FIG4: variants seen among roughly 807,000 people sequenced by gnomAD.
FIG4 encodes the protein polyphosphoinositide phosphatase.
FIG4 carries 112 observed loss-of-function variants against 118.6 expected under a neutral mutation model. The ratio of observed to expected loss-of-function variants is 0.94; its 90% CI spans 0.81 to 1.11. The LOEUF is 1.11. Ranked by LOEUF, FIG4 falls within the 50% of genes least tolerant of loss-of-function variation. The pLI is 0.00. For synonymous variants in FIG4, 369 were observed against 381.2 expected (o/e 0.97, Z 0.37); for missense variants, 969 against 1,111.7 (o/e 0.87, Z 1.83).
intron 14 of FIG4, among the ~76,000 whole-genome samples, 198 bp downstream of exon 14, chr6:109,765,359 T>A (rs1777251578): frequency 6.6e-6 from 1 of 152,252 alleles, no homozygotes; most frequent in Non-Finnish European, 1.5e-5. Flanking sequence ...TGTTTAAGTC[T>A]TTAATCTGTC....
intron 1 of FIG4, among the ~76,000 whole-genome samples, chr6:109,711,108 G>A (rs1775245420): frequency 6.6e-6 from 1 of 152,090 alleles, no homozygotes; most frequent in African/African-American, 2.4e-5. Context: ...CTAAAAACTT[G>A]CTTTATTATG....
chr6:109,756,815 G>A (rs573658211), intron 10 of FIG4, among the ~76,000 whole-genome samples: 1 of 152,160 alleles, frequency 6.6e-6, no homozygotes, highest in South Asian at 2.1e-4. Flanking sequence ...CTCTGTATTG[G>A]TTATTCTAGT....
chr6:109,756,897 T>G (rs528155154), intron 10 of FIG4, among the ~76,000 whole-genome samples: 9 of 152,332 alleles, frequency 5.9e-5, no homozygotes, highest in African/African-American at 1.9e-4. Context: ...TCCTATAGCT[T>G]GGAGTAATTT....
Position 109,777,000 on chromosome 6 carries a change from T to A in FIG4, c.1829T>A (p.Leu610His), listed in dbSNP as rs1305057644. 1 of 1,613,588 alleles carries A rather than the reference T, an allele frequency of 6.2e-7. No homozygotes were observed. Among genetic ancestry groups the A allele is most frequent in the Non-Finnish European group, 8.5e-7 (1 of 1,179,636 alleles). The change falls in exon 16 of 23, where the codon CTC becomes CAC. Residue 610 changes from leucine to histidine, a missense_variant. By Grantham distance (99) the Leu-to-His change is moderately conservative. Transcript: ENST00000230124. ...PTEGKPHLWELPTDFYLHHKN... is the reference protein window; with the variant it reads ...PTEGKPHLWEHPTDFYLHHKN... Reference sequence around the variant, plus strand: ...GAAGGGAAACCTCATCTCTGGGAGCTCCCAACAGATTTTTATTTGCATCAC... The same window carrying A: ...GAAGGGAAACCTCATCTCTGGGAGCACCCAACAGATTTTTATTTGCATCAC...
At position 109,766,813 on chromosome 6, in the gene FIG4, C is replaced by G; in HGVS notation, c.1668C>G (p.Thr556=). ...GGSQLVHRVK[T]YRKIAPWTQH... ...CTCAACTTGTTCATCGTGTGAAAAC[C>G]TACAGAAAGATAGCACCATGGACCC... is the stretch of plus-strand genomic sequence containing the variant. The change falls in exon 15 of 23, where the codon ACC becomes ACG. Residue 556 remains threonine (T), a synonymous_variant. Coordinates refer to ENST00000230124, the MANE Select transcript of FIG4 (RefSeq NM_014845.6). 2 of 1,613,844 alleles carry G rather than the reference C, an allele frequency of 1.2e-6. No individual in the cohort carries two copies. Among genetic ancestry groups the G allele is most frequent in the Non-Finnish European group, 8.5e-7 (1 of 1,179,850 alleles).
At chr6:109,762,010 A>C in intron 11 of FIG4, 81 bp from the exon 12 acceptor site, 1 of 828,346 alleles carries the variant, frequency 1.2e-6, no homozygotes, top group Non-Finnish European at 2.1e-6. Flanking sequence ...ATTGCTATAG[A>C]CTTTACTGGC....
intron 15 of FIG4, among the ~76,000 whole-genome samples, chr6:109,769,288 T>A (rs1408046615): frequency 6.6e-6 from 1 of 152,008 alleles, no homozygotes; most frequent in East Asian, 1.9e-4. Flanking sequence ...TAGCTGTCCA[T>A]GTTTAAAAAA....
intron 22 of FIG4, among the ~76,000 whole-genome samples, chr6:109,810,230 A>G (rs747204483): frequency 3.9e-5 from 6 of 152,210 alleles, no homozygotes; most frequent in Non-Finnish European, 8.8e-5. Flanking sequence ...AGTTGATCAC[A>G]GTGACTTAGT....
chr6:109,794,342 C>T (rs1458998074), intron 21 of FIG4, among the ~76,000 whole-genome samples: 1 of 152,164 alleles, frequency 6.6e-6, no homozygotes, highest in East Asian at 1.9e-4. Flanking sequence ...GCTGTTCCCT[C>T]CTTTTTGTTC....
At chr6:109,714,935 C>T in intron 1 of FIG4, 143 bp from the exon 2 acceptor site, 2 of 565,594 alleles carry the variant, frequency 3.5e-6, no homozygotes, top group Non-Finnish European at 6.3e-6. Context: ...TTTCTTTAAT[C>T]TGCCAGTTAT....
At chr6:109,727,292 T>TG in intron 4 of FIG4, 27 bp downstream of exon 4, 1 of 1,595,878 alleles carries the variant, frequency 6.3e-7, no homozygotes, top group Non-Finnish European at 8.6e-7. Flanking sequence ...CTACCTTTTT[T>TG]TTTTTGGAGA....
intron 22 of FIG4, among the ~76,000 whole-genome samples, chr6:109,812,651 C>T (rs1231160737): frequency 6.6e-6 from 1 of 152,106 alleles, no homozygotes; most frequent in Admixed American, 6.6e-5. Flanking sequence ...ATTAATGATC[C>T]TGATGAGAGT....
rs749284744 is a variant in FIG4 at position 109,825,185 on chromosome 6, G to A, written c.2644G>A (p.Ala882Thr). The A allele has an allele frequency of 1.2e-6, 2 of 1,613,990 alleles. No individual in the cohort carries two copies. Among genetic ancestry groups the A allele is most frequent in the Middle Eastern group, 1.7e-4 (1 of 6,060 alleles). The stretch of plus-strand genomic sequence containing the variant: ...AGAGATCTTCCAAGCCCACATCCAG[G>A]CCAGCCAAGGTATCATGCAGCCCCT... ...STEIFQAHIQ[A>T]SQGIMQPLGK... The change falls in exon 23 of 23, where the codon GCC becomes ACC. Residue 882 changes from alanine (A) to threonine (T), a missense_variant. By Grantham distance (58) the Ala-to-Thr change is moderately conservative. Around this residue, in one of 3 missense-constraint regions of FIG4, gnomAD observed 330 missense variants for 348.1 expected, o/e 0.95. Transcript: ENST00000230124.
Position 109,780,782 on chromosome 6 carries a change from A to G in FIG4, c.1889+3722A>G, listed in dbSNP as rs560562844. 1.2e-4 allele frequency among the ~76,000 whole-genome samples: 19 copies of G among 152,326 alleles called. No homozygotes were observed. The South Asian group carries it at 1.9e-3, about 15-fold the overall frequency. On this transcript the variant is annotated intron_variant, in intron 16 of 22. Coordinates refer to ENST00000230124, the MANE Select transcript of FIG4 (RefSeq NM_014845.6). Reference sequence around the variant, plus strand: ...TTCTTGCACAATAAGGGAAGAGGGAATAAACTTAACTCTACCTAGAGTCAT... The same window carrying G: ...TTCTTGCACAATAAGGGAAGAGGGAGTAAACTTAACTCTACCTAGAGTCAT...
At chr6:109,737,689 A>G (rs941931866) in intron 6 of FIG4, among the ~76,000 whole-genome samples, 1 of 152,172 alleles carries the variant, frequency 6.6e-6, no homozygotes, top group Non-Finnish European at 1.5e-5. Context: ...TGTTTAATAC[A>G]TTTATCTGGA....
intron 18 of FIG4, among the ~76,000 whole-genome samples, chr6:109,788,488 G>T (rs1778047822): frequency 1.3e-5 from 2 of 152,170 alleles, no homozygotes; most frequent in East Asian, 3.9e-4. Flanking sequence ...TTAAGAAGCG[G>T]AGTACCCCTT....
At position 109,786,154 on chromosome 6, in the gene FIG4, A is replaced by G. The variant is rs115395338; in HGVS notation, c.1949-148A>G. 4.2e-3 allele frequency: 2,698 copies of G among 647,950 alleles called. 69 individuals carry two copies. The African/African-American group carries it at 0.044, about 11-fold the overall frequency. The allele number at this position is 647,950 out of a possible 1,614,324, so 40.1% of individuals were successfully genotyped here. A position where few individuals can be genotyped will look rare whatever the true frequency, so the allele number is the denominator to read the frequency against. On this transcript the variant is annotated intron_variant, in intron 17 of 22. Coordinates refer to ENST00000230124, the MANE Select transcript of FIG4 (RefSeq NM_014845.6). ...ATCTCATCTCCTTTCTAACTGTGTA[A>G]GTGTTGGAGGCAGGAGCTTACCCTC...
At chr6:109,718,174 T>C (rs1035216594) in intron 3 of FIG4, among the ~76,000 whole-genome samples, 30 of 152,142 alleles carry the variant, frequency 2.0e-4, no homozygotes, top group Admixed American at 1.6e-3. Flanking sequence ...CACACATTTT[T>C]AAGCAACACT....
At chr6:109,824,960 C>G (rs143256955) in intron 22 of FIG4, 128 bp from the exon 23 acceptor site, 2 of 851,964 alleles carry the variant, frequency 2.3e-6, no homozygotes, top group Non-Finnish European at 3.9e-6. Context: ...GGAGGTCATC[C>G]CAGCAGCTTG....
Sources: allele counts gnomAD v4.1 joint callset (sites outside exome capture counted in the v4.1 genomes callset), GRCh38; gene constraint gnomAD v4.1.1; regional missense constraint gnomAD v4.1.1; transcripts MANE v1.5; gene names NCBI Gene and HGNC (gene_info 2026-07-23, HGNC 2026-07-21).